Variants in STK3 observed in about 807,000 individuals in gnomAD.
STK3 encodes serine/threonine-protein kinase 3.
In STK3, 41 loss-of-function variants were observed where a neutral mutation model predicts 58.0. That is an observed-to-expected ratio of 0.71 (90% CI 0.55 to 0.92). The LOEUF (loss-of-function observed/expected upper bound fraction) is 0.92, where lower values mean the gene tolerates loss of function less well. Ranked by LOEUF, STK3 falls within the 40% of genes least tolerant of loss-of-function variation. The pLI is 0.00. For synonymous variants in STK3, 170 were observed against 191.0 expected, an observed-to-expected ratio of 0.89 and a Z score of 0.91; for missense variants, 479 against 602.7, an observed-to-expected ratio of 0.79 and a Z score of 2.15.
chr8:98,826,303 C>T (rs3019294), upstream of STK3, among the ~76,000 whole-genome samples: 6,410 of 152,294 alleles, frequency 0.042, 203 homozygotes, highest in Non-Finnish European at 0.07. Flanking sequence ...GTTATGTTTT[C>T]CCCCAGCCAT....
chr8:98,901,047 T>G (rs1329907094), intron 1 of STK3, among the ~76,000 whole-genome samples: 1 of 152,248 alleles, frequency 6.6e-6, no homozygotes, highest in African/African-American at 2.4e-5. Context: ...ACATCCTATT[T>G]ATGCTTAGCA....
intron 7 of STK3, among the ~76,000 whole-genome samples, chr8:98,583,894 AAGAG>A (rs1396555570): frequency 1.9e-4 from 28 of 151,246 alleles, no homozygotes; most frequent in Non-Finnish European, 2.7e-4. Flanking sequence ...AGAGAGAAGA[AAGAG>A]AGAGAAGGTA....
intron 1 of STK3, among the ~76,000 whole-genome samples, chr8:98,909,883 TA>T (rs781531475): frequency 1.3e-5 from 2 of 152,246 alleles, no homozygotes; most frequent in Non-Finnish European, 2.9e-5. Flanking sequence ...TGGAGTAGAA[TA>T]TGGTAATACT....
At position 98,688,763 on chromosome 8, in the gene STK3, C is replaced by T. The variant is rs145860220; in HGVS notation, c.684+17704G>A. Among the ~76,000 whole-genome samples the T allele has an allele frequency of 6.9e-3, 1,050 of 152,110 alleles. 8 individuals are homozygous for T. The highest frequency in any genetic ancestry group is 0.023 in the African/African-American group (973 of 41,500). ...ACAACATACCAAAACCTCTGGGATA[C>T]GGCAAAAGCAGTGTTAAGAGGAAAG... On this transcript the variant is annotated intron_variant, in intron 6 of 10. Transcript: ENST00000419617.
At chr8:98,659,501 TACTTA>T (rs1209991757) in intron 6 of STK3, among the ~76,000 whole-genome samples, 9 of 151,766 alleles carry the variant, frequency 5.9e-5, no homozygotes, top group African/African-American at 2.2e-4. Flanking sequence ...TTGATGGAAT[TACTTA>T]ACTTTTTTTT....
chr8:98,836,070 G>A (rs1049243947), intron 3 of STK3, among the ~76,000 whole-genome samples: 1 of 152,096 alleles, frequency 6.6e-6, no homozygotes, highest in Non-Finnish European at 1.5e-5. Context: ...GCGCAGTGGT[G>A]GGCGCCTGTA....
chr8:98,613,065 T>C (rs1817326979), intron 6 of STK3, among the ~76,000 whole-genome samples: 1 of 151,992 alleles, frequency 6.6e-6, no homozygotes, highest in African/African-American at 2.4e-5. Flanking sequence ...TAAGCACCAA[T>C]ACAATAGAGA....
intron 10 of STK3, among the ~76,000 whole-genome samples, chr8:98,462,086 G>A (rs1166582149): frequency 2.0e-5 from 3 of 151,964 alleles, no homozygotes; most frequent in Non-Finnish European, 2.9e-5. Flanking sequence ...CTTTGAATAC[G>A]ATCCAATAAC....
intron 8 of STK3, chr8:98,553,281 TG>T (rs1811327502): frequency 6.6e-6 from 1 of 152,184 alleles, no homozygotes; most frequent in Admixed American, 6.5e-5. Context: ...CATAGTACTC[TG>T]TGCTTATGCT....
chr8:98,807,248 G>C (rs1050324655), intron 1 of STK3, among the ~76,000 whole-genome samples: 2 of 151,424 alleles, frequency 1.3e-5, no homozygotes, highest in African/African-American at 4.9e-5. Context: ...TTGGGTTTTT[G>C]GTTTTGGGGG....
At chr8:98,575,181 T>G (rs576734799) in intron 8 of STK3, among the ~76,000 whole-genome samples, 2 of 152,246 alleles carry the variant, frequency 1.3e-5, no homozygotes, top group South Asian at 4.2e-4. Flanking sequence ...GTAGATGGGA[T>G]AGTGCGTGTA....
At chr8:98,825,718 GC>G (rs893359259), upstream of STK3, 1 of 729,400 alleles carries the variant, frequency 1.4e-6, no homozygotes, top group Non-Finnish European at 1.7e-6. Context: ...GGCTCCTCCC[GC>G]CCCGCCCCGC....
intron 7 of STK3, among the ~76,000 whole-genome samples, chr8:98,590,862 C>T (rs1815249269): frequency 2.6e-5 from 4 of 151,980 alleles, no homozygotes; most frequent in African/African-American, 4.8e-5. Context: ...TATGCTAATG[C>T]CATTTTATCA....
At chr8:98,732,742 T>A (rs1828305216) in intron 4 of STK3, among the ~76,000 whole-genome samples, 1 of 151,890 alleles carries the variant, frequency 6.6e-6, no homozygotes, top group Non-Finnish European at 1.5e-5. Context: ...TAAGTCCACA[T>A]TAGAACAAGA....
In STK3 at chr8:98,428,487, C is replaced by T. The variant is rs1818278621; in HGVS notation, n.483+5640G>A. On this transcript the variant is annotated intron_variant and non_coding_transcript_variant, in intron 3 of 3. Transcript: ENST00000517832. This position sits in a 1 kb window ranked among gnomAD's most constrained non-coding sequence, Gnocchi z 6.7. The stretch of plus-strand genomic sequence containing the variant: ...CGATGGGCAGCCCCTCGGCAACTTC[C>T]GCAGGCAGCTGTGGCTGGCGCTGGA... 3 of 1,614,120 alleles carry T rather than the reference C, an allele frequency of 1.9e-6. No individual in the cohort carries two copies. The highest frequency in any genetic ancestry group is 2.5e-6 in the Non-Finnish European group (3 of 1,180,034).
At chr8:98,509,604 A>G (rs921113526) in intron 10 of STK3, among the ~76,000 whole-genome samples, 2 of 151,934 alleles carry the variant, frequency 1.3e-5, no homozygotes, top group African/African-American at 4.8e-5. Flanking sequence ...TGTATAAAAT[A>G]AACTATACCA....
chr8:98,757,962 C>T (rs1427506997), intron 3 of STK3, among the ~76,000 whole-genome samples: 1 of 152,130 alleles, frequency 6.6e-6, no homozygotes, highest in Non-Finnish European at 1.5e-5. Flanking sequence ...TAACTAACTA[C>T]AATTATTTAG....
intron 4 of STK3, among the ~76,000 whole-genome samples, chr8:98,738,854 A>G (rs1247277639): frequency 1.3e-5 from 2 of 152,368 alleles, no homozygotes; most frequent in East Asian, 3.9e-4. Context: ...AAGGGGTGAC[A>G]GAGGGCACCT....
At chr8:98,874,613 C>T (rs1265366847) in intron 3 of STK3, among the ~76,000 whole-genome samples, 4 of 151,616 alleles carry the variant, frequency 2.6e-5, no homozygotes, top group Non-Finnish European at 5.9e-5. Flanking sequence ...ATGTGCTATC[C>T]ATCAAAATGT....
Sources: gnomAD v4.1 joint callset for allele counts (sites outside exome capture counted in the v4.1 genomes callset) on GRCh38, gnomAD v4.1.1 for gene constraint, Gnocchi (gnomAD v3.1) non-coding constraint, MANE v1.5 for transcripts, NCBI Gene and HGNC (gene_info 2026-07-23, HGNC 2026-07-21) for gene names.